MIER1: variants seen among roughly 807,000 people sequenced by gnomAD.
MIER1 encodes the protein MIER1 transcriptional regulator.
In MIER1, 40 loss-of-function variants were observed where a neutral mutation model predicts 75.7. That is an observed-to-expected ratio of 0.53 (90% CI 0.41 to 0.69). The LOEUF (loss-of-function observed/expected upper bound fraction) is 0.69, where lower values mean the gene tolerates loss of function less well. Among genes scored for constraint, MIER1 ranks in the 30% least tolerant of loss-of-function variants. MIER1 has a pLI of 0.00. For missense variants in MIER1, 574 were observed against 680.2 expected, an observed-to-expected ratio of 0.84 and a Z score of 1.74; for synonymous variants, 213 against 223.4, an observed-to-expected ratio of 0.95 and a Z score of 0.42.
At chr1:66,964,008 TC>T (rs1248136681) in intron 8 of MIER1, among the ~76,000 whole-genome samples, 1 of 152,112 alleles carries the variant, frequency 6.6e-6, no homozygotes, top group Non-Finnish European at 1.5e-5. Flanking sequence ...TTTTTTTTTT[TC>T]CATTTCATTT....
At position 66,968,529 on chromosome 1, in the gene MIER1, C is replaced by T. The variant is rs574894029; in HGVS notation, c.773-2279C>T. On this transcript the variant is annotated intron_variant, in intron 8 of 13. Coordinates refer to ENST00000401041, the MANE Select transcript of MIER1 (RefSeq NM_001077700.3). ...ATCAGAATTCTCCTTTTCATTGATA[C>T]GTGGAAACCTCCTTACCTAGTATCT... Among the ~76,000 whole-genome samples the T allele has an allele frequency of 7.0e-4, 107 of 152,060 alleles. No individual in the cohort carries two copies. In the South Asian group the frequency reaches 0.021, roughly 30 times the overall value.
intron 2 of MIER1, among the ~76,000 whole-genome samples, chr1:66,934,531 C>T (rs1654275407): frequency 6.7e-6 from 1 of 150,274 alleles, no homozygotes; most frequent in Admixed American, 6.6e-5. Flanking sequence ...CTCAGAGCCT[C>T]TCAAGTAGCT....
At chr1:66,972,783 G>T (rs1663964132) in intron 10 of MIER1, 114 bp from the exon 11 acceptor site, 1 of 605,688 alleles carries the variant, frequency 1.7e-6, no homozygotes, top group South Asian at 2.1e-5. Flanking sequence ...ATAGAGCTCA[G>T]GAGTAAAATG....
intron 7 of MIER1, among the ~76,000 whole-genome samples, chr1:66,961,526 A>G (rs936124798): frequency 6.6e-6 from 1 of 152,232 alleles, no homozygotes; most frequent in Non-Finnish European, 1.5e-5. Flanking sequence ...AAATGTTCAG[A>G]ACTGAACAGG....
intron 5 of MIER1, 140 bp downstream of exon 5, chr1:66,958,360 A>G: frequency 3.6e-6 from 2 of 557,580 alleles, no homozygotes; most frequent in Non-Finnish European, 5.7e-6. Flanking sequence ...ACAGAAATAC[A>G]TAATATAAAA....
intron 2 of MIER1, chr1:66,932,890 A>G (rs1422003128): frequency 1.3e-5 from 2 of 152,118 alleles, no homozygotes; most frequent in African/African-American, 4.8e-5. Context: ...GACCCTGACC[A>G]TGTTTTTCCA....
chr1:66,941,728 T>G (rs1248714420), intron 3 of MIER1, among the ~76,000 whole-genome samples: 2 of 152,156 alleles, frequency 1.3e-5, no homozygotes, highest in African/African-American at 4.8e-5. Flanking sequence ...CCCAACACTT[T>G]GGGAGGCCAA....
At chr1:66,929,163 C>A (rs1326503989) in intron 2 of MIER1, 3 of 627,718 alleles carry the variant, frequency 4.8e-6, no homozygotes, top group Non-Finnish European at 8.6e-6. Context: ...TAAGTATTAA[C>A]TTTAAGAAAA....
chr1:66,961,995 G>A lies in MIER1; in HGVS notation c.700-1093G>A, dbSNP rs17129548. 3.5e-3 allele frequency among the ~76,000 whole-genome samples: 539 copies of A among 152,316 alleles called. 3 individuals are homozygous for A. The highest frequency in any genetic ancestry group is 0.012 in the African/African-American group (515 of 41,572). ...TCAGTGAGGTAACAATAGCAGGAGA[G>A]AGACTTTCCAAATCCTAAGAGTTAC... On this transcript the variant is annotated intron_variant, in intron 7 of 13. Transcript: ENST00000401041.
intron 4 of MIER1, among the ~76,000 whole-genome samples, chr1:66,954,987 G>A (rs1297782507): frequency 6.6e-6 from 1 of 152,160 alleles, no homozygotes; most frequent in African/African-American, 2.4e-5. Flanking sequence ...GGGATTACAG[G>A]CGTGAGCCAC....
In MIER1 at chr1:66,925,070, T is replaced by TGGC; in HGVS notation, c.49_51dup (p.Gly17dup). 6.5e-7 allele frequency: 1 copy of TGGC among 1,547,568 alleles called. No homozygotes were observed. The highest frequency in any genetic ancestry group is 1.7e-4 in the Middle Eastern group (1 of 5,956). ...CAGGCGGTGGCGGCAGCAGCGAAGG[T>TGGC]GGCGGCGGCAGCAGCGGCAGCGGCT... On this transcript the variant is annotated inframe_insertion, in exon 1 of 14. Transcript: ENST00000401041.
At chr1:66,930,936 A>G (rs922625052) in intron 2 of MIER1, among the ~76,000 whole-genome samples, 3 of 152,050 alleles carry the variant, frequency 2.0e-5, no homozygotes, top group East Asian at 1.9e-4. Context: ...GCCAGCCGCA[A>G]TCCAGCCCTC....
chr1:66,946,937 C>T, intron 4 of MIER1: 1 of 982,806 alleles, frequency 1.0e-6, no homozygotes, highest in Non-Finnish European at 1.2e-6. Context: ...GACTCTTCTT[C>T]CGTTACTCAA....
At chr1:66,939,338 G>T (rs1655636449) in intron 2 of MIER1, among the ~76,000 whole-genome samples, 2 of 152,118 alleles carry the variant, frequency 1.3e-5, no homozygotes, top group South Asian at 4.1e-4. Context: ...AAATTTTCAA[G>T]TTGTTTGTGG....
At chr1:66,936,573 A>AT (rs1320908321) in intron 2 of MIER1, among the ~76,000 whole-genome samples, 1 of 151,958 alleles carries the variant, frequency 6.6e-6, no homozygotes, top group Non-Finnish European at 1.5e-5. Context: ...TATGGTAGTA[A>AT]TTAATGGTAG....
intron 12 of MIER1, among the ~76,000 whole-genome samples, chr1:66,977,699 T>C (rs1665003700): frequency 6.6e-6 from 1 of 152,194 alleles, no homozygotes; most frequent in Non-Finnish European, 1.5e-5. Flanking sequence ...AAAAGAGTAT[T>C]GAACCCCTTG....
chr1:66,946,144 T>C lies in MIER1; in HGVS notation c.194-6T>C, dbSNP rs943751291. 3.8e-6 allele frequency: 6 copies of C among 1,599,084 alleles called. No homozygotes were observed. Among genetic ancestry groups the C allele is most frequent in the Non-Finnish European group, 5.1e-6 (6 of 1,176,334 alleles). The stretch of plus-strand genomic sequence containing the variant: ...TTACCAAACTTTTTGAAATATTCCT[T>C]ACCAGGAGGTTCAGCAACATCAGAT... On this transcript the variant is annotated splice_polypyrimidine_tract_variant and splice_region_variant and intron_variant, in intron 3 of 13. Transcript: ENST00000401041.
chr1:66,958,151 GGAA>G lies in MIER1; in HGVS notation c.440_442del (p.Glu147del), dbSNP rs754673061. The G allele has an allele frequency of 1.9e-5, 30 of 1,602,264 alleles. No individual in the cohort carries two copies. In the East Asian group the frequency reaches 4.5e-4, roughly 24 times the overall value. On this transcript the variant is annotated inframe_deletion, in exon 5 of 14. Transcript: ENST00000401041. ...AAGAAGATGAGGAAGAGGAAGAAGA[GGAA>G]GAAGAAGGTGAAGATGATGAAGATG...
At chr1:66,953,768 T>A (rs907562574) in intron 4 of MIER1, among the ~76,000 whole-genome samples, 2 of 151,960 alleles carry the variant, frequency 1.3e-5, no homozygotes, top group Non-Finnish European at 2.9e-5. Context: ...CATGCCTGGC[T>A]AACTTTTGTA....
Sources: gnomAD v4.1 joint callset for allele counts (sites outside exome capture counted in the v4.1 genomes callset) on GRCh38, gnomAD v4.1.1 for gene constraint, MANE v1.5 for transcripts, NCBI Gene and HGNC (gene_info 2026-07-23, HGNC 2026-07-21) for gene names.